CTNNA3: variants seen among roughly 807,000 people sequenced by gnomAD.
The protein encoded by CTNNA3 is catenin alpha 3.
A neutral mutation model predicts 95.7 loss-of-function variants in CTNNA3; 76 were observed. The ratio of observed to expected loss-of-function variants is 0.79; its 90% CI spans 0.66 to 0.96. CTNNA3 has a LOEUF of 0.96. Among genes scored for constraint, CTNNA3 ranks in the 40% least tolerant of loss-of-function variants. The pLI, the probability that CTNNA3 is intolerant of heterozygous loss-of-function variation, is 0.00. For missense variants in CTNNA3, 1,191 were observed against 1,089.8 expected (o/e 1.09, Z -1.31); for synonymous variants, 431 against 374.4 (o/e 1.15, Z -1.74).
intron 7 of CTNNA3, among the ~76,000 whole-genome samples, chr10:66,859,915 G>A (rs1843843496): frequency 7.6e-6 from 1 of 130,842 alleles, no homozygotes; most frequent in African/African-American, 3.0e-5. Flanking sequence ...CTATCGCAAG[G>A]ACAAAAAACC....
At chr10:66,198,054 C>A (rs989480817) in intron 13 of CTNNA3, among the ~76,000 whole-genome samples, 2 of 152,086 alleles carry the variant, frequency 1.3e-5, no homozygotes, top group African/African-American at 4.8e-5. Flanking sequence ...CAGATAGAGA[C>A]TAACTGTACA....
At chr10:67,206,269 C>T (rs1434372464) in intron 6 of CTNNA3, among the ~76,000 whole-genome samples, 2 of 152,080 alleles carry the variant, frequency 1.3e-5, no homozygotes, top group Admixed American at 1.3e-4. Context: ...GTTGTGTCTC[C>T]TAAGCTATAT....
intron 6 of CTNNA3, among the ~76,000 whole-genome samples, chr10:67,197,419 G>A (rs1863429694): frequency 6.6e-6 from 1 of 151,936 alleles, no homozygotes; most frequent in South Asian, 2.1e-4. Flanking sequence ...TACAAGCCCT[G>A]GATTCATGGG....
intron 12 of CTNNA3, among the ~76,000 whole-genome samples, chr10:66,297,292 C>T (rs1564847259): frequency 6.6e-6 from 1 of 152,054 alleles, no homozygotes; most frequent in Non-Finnish European, 1.5e-5. Flanking sequence ...TAACCACCCC[C>T]TGGTTCCATC....
intron 9 of CTNNA3, among the ~76,000 whole-genome samples, chr10:66,764,402 T>C (rs1839757892): frequency 6.6e-6 from 1 of 152,190 alleles, no homozygotes; most frequent in South Asian, 2.1e-4. Flanking sequence ...AGAGATAAGC[T>C]GATTTAATTT....
intron 9 of CTNNA3, among the ~76,000 whole-genome samples, chr10:66,748,980 T>C (rs1246231750): frequency 6.6e-6 from 1 of 150,454 alleles, no homozygotes; most frequent in Non-Finnish European, 1.5e-5. Flanking sequence ...CAAGACTACC[T>C]GGCCAACATA....
chr10:66,993,886 C>T (rs1297743490), intron 7 of CTNNA3, among the ~76,000 whole-genome samples: 2 of 152,086 alleles, frequency 1.3e-5, no homozygotes, highest in Non-Finnish European at 2.9e-5. Flanking sequence ...TATTCTTAGA[C>T]AAATTTTTGT....
intron 2 of CTNNA3, among the ~76,000 whole-genome samples, chr10:67,611,377 G>C (rs146102179): frequency 0.036 from 5,421 of 151,720 alleles, 97 homozygotes; most frequent in Middle Eastern, 0.079. Flanking sequence ...GCCGTGGCAC[G>C]ATCTCCGTTC....
intron 5 of CTNNA3, among the ~76,000 whole-genome samples, chr10:67,286,175 G>T (rs1839597085): frequency 6.6e-6 from 1 of 152,170 alleles, no homozygotes; most frequent in Admixed American, 6.5e-5. Flanking sequence ...TTCTCCTAGA[G>T]ACTTAGCTCT....
Position 66,474,486 on chromosome 10 carries a change from T to G in CTNNA3, c.1531+46131A>C, listed in dbSNP as rs916452679. ...TTAGGTTGATTCTAAATCTTGGCTA[T>G]TGTGAATGGTGTTGCAATAAACATG... On this transcript the variant is annotated intron_variant, in intron 11 of 17. Transcript: ENST00000433211. 2.0e-5 allele frequency among the ~76,000 whole-genome samples: 3 copies of G among 152,084 alleles called. No individual in the cohort carries two copies. In the South Asian group the frequency reaches 6.2e-4, roughly 31 times the overall value.
intron 9 of CTNNA3, among the ~76,000 whole-genome samples, chr10:66,742,594 C>A (rs1339328117): frequency 6.6e-6 from 1 of 152,110 alleles, no homozygotes; most frequent in Non-Finnish European, 1.5e-5. Context: ...AACCTGCCGA[C>A]AGGATGTCTC....
intron 11 of CTNNA3, among the ~76,000 whole-genome samples, chr10:66,419,246 G>A (rs902029901): frequency 1.0e-3 from 159 of 152,072 alleles, no homozygotes; most frequent in African/African-American, 3.7e-3. Flanking sequence ...GCAAAAAAAA[G>A]AAAAAGCAAA....
At chr10:67,523,534 G>A (rs1336390471) in intron 4 of CTNNA3, among the ~76,000 whole-genome samples, 4 of 152,150 alleles carry the variant, frequency 2.6e-5, no homozygotes, top group African/African-American at 7.2e-5. Flanking sequence ...AGGCAAGGTA[G>A]TAAAGAGAGT....
At chr10:65,935,186 T>C (rs1188980531) in intron 17 of CTNNA3, among the ~76,000 whole-genome samples, 2 of 152,136 alleles carry the variant, frequency 1.3e-5, no homozygotes, top group Admixed American at 6.6e-5. Flanking sequence ...AAACTATATT[T>C]CAACGTATCT....
At chr10:67,716,648 A>G (rs868032472) in intron 1 of CTNNA3, among the ~76,000 whole-genome samples, 1 of 152,208 alleles carries the variant, frequency 6.6e-6, no homozygotes, top group Admixed American at 6.5e-5. Context: ...AAAAAACATG[A>G]ACCCATCCTT....
intron 9 of CTNNA3, among the ~76,000 whole-genome samples, chr10:66,645,059 T>C (rs1381359053): frequency 1.3e-5 from 2 of 152,180 alleles, no homozygotes; most frequent in Non-Finnish European, 2.9e-5. Flanking sequence ...TGGAGATTTA[T>C]TCAACCTAAG....
intron 7 of CTNNA3, among the ~76,000 whole-genome samples, chr10:66,930,311 C>A (rs559773620): frequency 1.6e-4 from 25 of 152,264 alleles, no homozygotes; most frequent in African/African-American, 5.8e-4. Context: ...GTATTCATGA[C>A]AAAAAGTCAC....
chr10:66,085,685 T>G (rs1162945184), intron 14 of CTNNA3, among the ~76,000 whole-genome samples: 1 of 152,154 alleles, frequency 6.6e-6, no homozygotes, highest in African/African-American at 2.4e-5. Flanking sequence ...TGCCAGATCA[T>G]TTTTTATATT....
chr10:66,904,385 T>C (rs111489956), intron 7 of CTNNA3, among the ~76,000 whole-genome samples: 2 of 152,178 alleles, frequency 1.3e-5, no homozygotes, highest in South Asian at 2.1e-4. Flanking sequence ...ATTAAAGACT[T>C]AAATGTAAGA....
Sources: gnomAD v4.1 joint callset for allele counts (sites outside exome capture counted in the v4.1 genomes callset) on GRCh38, gnomAD v4.1.1 for gene constraint, MANE v1.5 for transcripts, NCBI Gene and HGNC (gene_info 2026-07-23, HGNC 2026-07-21) for gene names.